Variants in TRIQK observed in about 807,000 individuals in gnomAD.
TRIQK encodes the protein triple QxxK/R motif-containing protein.
A neutral mutation model predicts 10.8 loss-of-function variants in TRIQK; 10 were observed. The observed-to-expected ratio is 0.92, with a 90% CI of 0.57 to 1.57. The LOEUF (loss-of-function observed/expected upper bound fraction) is 1.57. TRIQK is among the 40% of genes most tolerant of loss of function. TRIQK has a pLI of 0.00. For missense variants in TRIQK, 107 were observed against 97.7 expected, an observed-to-expected ratio of 1.09 and a Z score of -0.40; for synonymous variants, 33 against 33.7, an observed-to-expected ratio of 0.98 and a Z score of 0.07.
intron 1 of TRIQK, among the ~76,000 whole-genome samples, chr8:92,977,611 A>T (rs979387818): frequency 6.6e-6 from 1 of 151,974 alleles, no homozygotes; most frequent in Non-Finnish European, 1.5e-5. Context: ...TTTTCTACTA[A>T]CTATATTATC....
intron 2 of TRIQK, among the ~76,000 whole-genome samples, chr8:92,951,557 A>G (rs895282592): frequency 6.6e-6 from 1 of 152,102 alleles, no homozygotes; most frequent in Admixed American, 6.6e-5. Context: ...TCTGAATGAA[A>G]AACTCTAGGG....
chr8:92,912,216 C>G, intron 3 of TRIQK, among the ~76,000 whole-genome samples: 1 of 151,748 alleles, frequency 6.6e-6, no homozygotes, highest in Admixed American at 6.6e-5. Flanking sequence ...ACTGAAATTA[C>G]TCCAAGTATC....
chr8:92,955,328 A>C (rs1401624961), intron 1 of TRIQK, among the ~76,000 whole-genome samples: 1 of 151,874 alleles, frequency 6.6e-6, no homozygotes, highest in East Asian at 1.9e-4. Flanking sequence ...TAACAATACA[A>C]GTCAAGAGTA....
At chr8:92,937,761 T>C (rs2130589747) in intron 2 of TRIQK, among the ~76,000 whole-genome samples, 1 of 151,994 alleles carries the variant, frequency 6.6e-6, no homozygotes, top group African/African-American at 2.4e-5. Flanking sequence ...ACTCTACATA[T>C]TATATAAGAT....
intron 3 of TRIQK, among the ~76,000 whole-genome samples, chr8:92,908,613 C>T (rs1442938093): frequency 4.6e-5 from 7 of 152,100 alleles, no homozygotes; most frequent in Non-Finnish European, 1.0e-4. Flanking sequence ...CAAATACATT[C>T]AATCATAATT....
At chr8:92,958,276 C>T (rs1437147436) in intron 1 of TRIQK, among the ~76,000 whole-genome samples, 1 of 151,820 alleles carries the variant, frequency 6.6e-6, no homozygotes, top group Non-Finnish European at 1.5e-5. Flanking sequence ...TCAGCCCTAG[C>T]CTTGTCTAAC....
chr8:92,972,406 CT>C (rs1812884974), intron 1 of TRIQK, among the ~76,000 whole-genome samples: 2 of 151,764 alleles, frequency 1.3e-5, no homozygotes, highest in African/African-American at 4.8e-5. Flanking sequence ...TCTAATGGTT[CT>C]TTAGCTATAT....
Position 92,885,089 on chromosome 8 carries a change from T to C in TRIQK, c.*1533A>G, listed in dbSNP as rs1007089053. The C allele has an allele frequency of 9.1e-6, 4 of 437,634 alleles. No individual in the cohort carries two copies. The highest frequency in any genetic ancestry group is 4.8e-5 in the Admixed American group (2 of 41,618). 27.1% of individuals were successfully genotyped at this position (437,634 alleles called of 1,614,324 possible). A position where few individuals can be genotyped will look rare whatever the true frequency, so the allele number is the denominator to read the frequency against. ...TGTGAGTTCAAAGGGAAGAATCTAGTAAATAACACCGGCTAAATTTTGCCC... is the reference window on the plus strand; with the variant it reads ...TGTGAGTTCAAAGGGAAGAATCTAGCAAATAACACCGGCTAAATTTTGCCC... On this transcript the variant is annotated 3_prime_UTR_variant, in exon 5 of 5. Coordinates refer to ENST00000521988, the MANE Select transcript of TRIQK (RefSeq NM_001171797.2).
chr8:92,959,193 T>C (rs952940556), intron 1 of TRIQK, among the ~76,000 whole-genome samples: 4 of 151,994 alleles, frequency 2.6e-5, no homozygotes, highest in Non-Finnish European at 5.9e-5. Context: ...TCACGGATCA[T>C]AGGATACACA....
upstream of TRIQK, among the ~76,000 whole-genome samples, chr8:92,968,017 A>G (rs1001055687): frequency 7.2e-5 from 11 of 152,214 alleles, no homozygotes; most frequent in African/African-American, 2.4e-4. Flanking sequence ...TATGTAAGAT[A>G]TTATACAACA....
intron 2 of TRIQK, among the ~76,000 whole-genome samples, chr8:92,928,737 G>A (rs1810568373): frequency 6.6e-6 from 1 of 152,186 alleles, no homozygotes. Flanking sequence ...CAGCCTCTCT[G>A]GTGGACCAGC....
At chr8:93,007,217 G>A (rs1261369494) in intron 1 of TRIQK, among the ~76,000 whole-genome samples, 5 of 152,274 alleles carry the variant, frequency 3.3e-5, no homozygotes, top group African/African-American at 7.2e-5. Context: ...GGGCCCAGAC[G>A]AATAGGAGTG....
intron 1 of TRIQK, among the ~76,000 whole-genome samples, chr8:92,979,720 T>G (rs868414634): frequency 6.6e-6 from 1 of 152,118 alleles, no homozygotes; most frequent in African/African-American, 2.4e-5. Flanking sequence ...TGGCAACTAC[T>G]ACATTTTACT....
At chr8:92,977,949 T>C (rs895857077) in intron 1 of TRIQK, among the ~76,000 whole-genome samples, 9 of 152,184 alleles carry the variant, frequency 5.9e-5, no homozygotes, top group Non-Finnish European at 1.3e-4. Context: ...TATTTCCATT[T>C]TTGCTGGAAT....
chr8:92,971,457 C>T (rs7825361), intron 1 of TRIQK, among the ~76,000 whole-genome samples: 15,403 of 152,132 alleles, frequency 0.1, 1,838 homozygotes, highest in African/African-American at 0.28. Context: ...TCTCAGGATA[C>T]AACATCAATG....
At chr8:92,975,073 A>G (rs1812917552) in intron 1 of TRIQK, among the ~76,000 whole-genome samples, 1 of 152,132 alleles carries the variant, frequency 6.6e-6, no homozygotes, top group South Asian at 2.1e-4. Context: ...CTCATGTTCC[A>G]AGGAACTCCC....
At chr8:92,986,766 T>A (rs1813037974) in intron 1 of TRIQK, among the ~76,000 whole-genome samples, 1 of 152,186 alleles carries the variant, frequency 6.6e-6, no homozygotes, top group Non-Finnish European at 1.5e-5. Context: ...AAATCGATGT[T>A]CTGCAATGAT....
chr8:92,998,930 A>C (rs1475587573), intron 1 of TRIQK, among the ~76,000 whole-genome samples: 1 of 152,128 alleles, frequency 6.6e-6, no homozygotes, highest in Non-Finnish European at 1.5e-5. Flanking sequence ...GACCATTAGA[A>C]AATCTCTCAG....
intron 1 of TRIQK, among the ~76,000 whole-genome samples, chr8:92,981,892 A>G (rs1355642484): frequency 6.6e-6 from 1 of 151,812 alleles, no homozygotes; most frequent in Non-Finnish European, 1.5e-5. Flanking sequence ...TATTTTAACT[A>G]TCAACTCCAG....
Sources: gnomAD v4.1 joint callset for allele counts (sites outside exome capture counted in the v4.1 genomes callset) on GRCh38, gnomAD v4.1.1 for gene constraint, MANE v1.5 for transcripts, NCBI Gene and HGNC (gene_info 2026-07-23, HGNC 2026-07-21) for gene names.